Variants in FRMD1 observed in about 807,000 individuals in gnomAD.
FRMD1 encodes the protein FERM domain containing 1.
A neutral mutation model predicts 54.9 loss-of-function variants in FRMD1; 51 were observed. The ratio of observed to expected loss-of-function variants is 0.93; its 90% CI spans 0.74 to 1.17. The LOEUF (loss-of-function observed/expected upper bound fraction) is 1.17. Among genes scored for constraint, FRMD1 ranks in the 50% most tolerant of loss-of-function variants. FRMD1 has a pLI of 0.00. For missense variants in FRMD1, 729 were observed against 743.0 expected, an observed-to-expected ratio of 0.98 and a Z score of 0.22; for synonymous variants, 324 against 306.4, an observed-to-expected ratio of 1.06 and a Z score of -0.60.
intron 1 of FRMD1, among the ~76,000 whole-genome samples, chr6:168,087,363 C>G (rs6455480): frequency 6.6e-6 from 1 of 152,132 alleles, no homozygotes; most frequent in Non-Finnish European, 1.5e-5. Flanking sequence ...CCACTGTGCC[C>G]GAACTTATTT....
rs938833874 is a variant in FRMD1 at position 168,054,609 on chromosome 6, C to T, written c.*2488G>A. ...TCCTTCTTAGGAAACATCCCTGTCC[C>T]TACCAGTCGGTGTCCATTTTTCTGG... On this transcript the variant is annotated 3_prime_UTR_variant, in exon 11 of 11. Transcript: ENST00000283309. 2.0e-5 allele frequency: 3 copies of T among 152,216 alleles called. No homozygotes were observed. The highest frequency in any genetic ancestry group is 4.4e-5 in the Non-Finnish European group (3 of 68,120). 9.4% of individuals were successfully genotyped at this position (152,216 alleles called of 1,614,324 possible).
chr6:168,065,715 C>T, intron 4 of FRMD1: 3 of 987,530 alleles, frequency 3.0e-6, no homozygotes, highest in Non-Finnish European at 3.6e-6. Context: ...CTCCAGGGCT[C>T]TCCACACAAC....
At chr6:168,063,381 A>T (rs1308167328) in intron 6 of FRMD1, among the ~76,000 whole-genome samples, 1 of 148,742 alleles carries the variant, frequency 6.7e-6, no homozygotes, top group East Asian at 2.0e-4. Context: ...GACCACTCTT[A>T]GCCATGGGGG....
intron 1 of FRMD1, among the ~76,000 whole-genome samples, chr6:168,090,050 C>T (rs752678462): frequency 6.6e-5 from 10 of 152,150 alleles, no homozygotes; most frequent in Non-Finnish European, 1.0e-4. Flanking sequence ...CTCCACCCCG[C>T]GTCCAGACAG....
chr6:168,066,903 T>TG (rs962263509), intron 3 of FRMD1, 72 bp from the exon 4 acceptor site: 47 of 1,575,250 alleles, frequency 3.0e-5, no homozygotes, highest in South Asian at 1.5e-4. Flanking sequence ...TCTTCCCAGT[T>TG]GGGGGGGCCT....
chr6:168,092,483 C>T (rs114253376), intron 1 of FRMD1, among the ~76,000 whole-genome samples: 13 of 144,860 alleles, frequency 9.0e-5, no homozygotes, highest in African/African-American at 2.0e-4. Context: ...AGAGACCCTC[C>T]GCCCCTCCAT....
At chr6:168,071,049 G>T (rs561833498) in intron 2 of FRMD1, among the ~76,000 whole-genome samples, 1 of 152,276 alleles carries the variant, frequency 6.6e-6, no homozygotes, top group East Asian at 1.9e-4. Context: ...TCCCCACTGT[G>T]CCCTGCTACC....
intron 2 of FRMD1, among the ~76,000 whole-genome samples, chr6:168,074,498 G>A (rs546019747): frequency 1.4e-5 from 2 of 146,256 alleles, no homozygotes; most frequent in East Asian, 4.3e-4. Context: ...ATGTGTGACT[G>A]GTGTGTGCAT....
At position 168,069,882 on chromosome 6, in the gene FRMD1, G is replaced by C. The variant is rs557513278; in HGVS notation, c.305-2436C>G. 4.6e-5 allele frequency among the ~76,000 whole-genome samples: 7 copies of C among 152,324 alleles called. No individual in the cohort carries two copies. In the South Asian group the frequency reaches 1.5e-3, roughly 32 times the overall value. ...CTTAGCCCGGCCACAGTGCCCCGCT[G>C]TATGGTCAAAGCAGTCTAGATGTCA... On this transcript the variant is annotated intron_variant, in intron 2 of 10. Transcript: ENST00000283309.
chr6:168,079,792 G>A (rs1324967408), upstream of FRMD1, among the ~76,000 whole-genome samples: 2 of 152,226 alleles, frequency 1.3e-5, no homozygotes, highest in African/African-American at 4.8e-5. Flanking sequence ...GTCCTGGCTT[G>A]CGTGGACAGC....
chr6:168,075,036 G>A (rs905533654), intron 2 of FRMD1, among the ~76,000 whole-genome samples: 12 of 151,644 alleles, frequency 7.9e-5, no homozygotes, highest in Admixed American at 4.6e-4. Context: ...TACATGGTGC[G>A]AATGGTGTGT....
upstream of FRMD1, among the ~76,000 whole-genome samples, chr6:168,082,128 A>G (rs868204343): frequency 6.6e-6 from 1 of 152,128 alleles, no homozygotes; most frequent in Non-Finnish European, 1.5e-5. Flanking sequence ...TGCAGCCTTC[A>G]TGTCCGGGAA....
At chr6:168,081,769 G>A (rs947950211), upstream of FRMD1, 18 of 427,598 alleles carry the variant, frequency 4.2e-5, no homozygotes, top group African/African-American at 2.6e-4. Context: ...CAGCATCTTC[G>A]GGGCCAGGGA....
rs1799568961 is a variant in FRMD1, at chr6:168,059,008, C to T, written c.1407+116G>A. 3 of 752,582 alleles carry T rather than the reference C, an allele frequency of 4.0e-6. No individual in the cohort carries two copies. Among genetic ancestry groups the T allele is most frequent in the Non-Finnish European group, 6.4e-6 (3 of 468,488 alleles). The allele number at this position is 752,582 out of a possible 1,614,324, so 46.6% of individuals were successfully genotyped here. ...TTGCCCGCTGCGTCTCTGGGGATGT[C>T]AGTCGAGGGACCCTCTGATAGGCCT... is the stretch of plus-strand genomic sequence containing the variant. On this transcript the variant is annotated intron_variant, in intron 10 of 10. Coordinates refer to ENST00000283309, the MANE Select transcript of FRMD1 (RefSeq NM_024919.6). The surrounding 1 kb of genome is among the most constrained non-coding windows in gnomAD (Gnocchi z 4.4).
In FRMD1 at chr6:168,058,960, C is replaced by T. The variant is rs368972008; in HGVS notation, c.1407+164G>A. 3.2e-3 allele frequency among the ~76,000 whole-genome samples: 491 copies of T among 152,280 alleles called. 1 individual carries two copies. The highest frequency in any genetic ancestry group is 5.1e-3 in the Non-Finnish European group (347 of 67,998). On this transcript the variant is annotated intron_variant, in intron 10 of 10. Transcript: ENST00000283309. ...ACCCACGTCCACCTGCCCCAGTGCC[C>T]GAGAGCCTTGCTGCTCCCTGACTTG...
chr6:168,062,458 C>T (rs1028260380), intron 7 of FRMD1, among the ~76,000 whole-genome samples: 1 of 152,250 alleles, frequency 6.6e-6, no homozygotes, highest in African/African-American at 2.4e-5. Context: ...GCGATAACAA[C>T]AACTAGACCT....
chr6:168,065,168 TG>T, intron 4 of FRMD1, 111 bp from the exon 5 acceptor site: 1 of 1,445,332 alleles, frequency 6.9e-7, no homozygotes, highest in Non-Finnish European at 9.1e-7. Flanking sequence ...CCTGAGCCCC[TG>T]GTACCTAGTT....
chr6:168,057,005 C>A lies in FRMD1; in HGVS notation c.*92G>T. On this transcript the variant is annotated 3_prime_UTR_variant, in exon 11 of 11. Coordinates refer to ENST00000283309, the MANE Select transcript of FRMD1 (RefSeq NM_024919.6). ...CTGGCTGCGGAAGTGCAGGCAGCAT[C>A]TGGCGGGCAGGAAGGGACGAGGGCC... The A allele has an allele frequency of 7.3e-7, 1 of 1,375,028 alleles. No individual in the cohort carries two copies. Among genetic ancestry groups the A allele is most frequent in the Non-Finnish European group, 9.5e-7 (1 of 1,053,184 alleles). 85.2% of individuals were successfully genotyped at this position (1,375,028 alleles called of 1,614,324 possible).
chr6:168,070,778 C>T (rs1412509407), intron 2 of FRMD1, among the ~76,000 whole-genome samples: 1 of 152,178 alleles, frequency 6.6e-6, no homozygotes, highest in Non-Finnish European at 1.5e-5. Flanking sequence ...TGTGCGTGCG[C>T]GTCCTACTTG....
Sources: gnomAD v4.1 joint callset for allele counts (sites outside exome capture counted in the v4.1 genomes callset) on GRCh38, gnomAD v4.1.1 for gene constraint, Gnocchi (gnomAD v3.1) non-coding constraint, MANE v1.5 for transcripts, NCBI Gene and HGNC (gene_info 2026-07-23, HGNC 2026-07-21) for gene names.